The following AGL variants were observed in gnomAD, a reference collection of about 807,000 sequenced individuals.
AGL encodes the protein glycogen debranching enzyme.
AGL carries 128 observed loss-of-function variants against 199.3 expected under a neutral mutation model. The observed-to-expected ratio is 0.64, with a 90% CI of 0.56 to 0.74. The LOEUF (loss-of-function observed/expected upper bound fraction) is 0.74, where lower values mean the gene tolerates loss of function less well. Ranked by LOEUF, AGL falls within the 30% of genes least tolerant of loss-of-function variation. The pLI, the probability that AGL is intolerant of heterozygous loss-of-function variation, is 0.00. For missense variants in AGL, 1,809 were observed against 1,820.8 expected, an observed-to-expected ratio of 0.99 and a Z score of 0.12; for synonymous variants, 584 against 594.7, an observed-to-expected ratio of 0.98 and a Z score of 0.26.
chr1:99,870,623 T>A (rs1650911688), intron 6 of AGL, 42 bp downstream of exon 6: 2 of 1,603,562 alleles, frequency 1.2e-6, no homozygotes, highest in South Asian at 2.2e-5. Context: ...ACAGAAAAAA[T>A]TTCTAAAGCA....
chr1:99,909,776 T>C (rs1273313549), intron 27 of AGL, among the ~76,000 whole-genome samples: 2 of 152,178 alleles, frequency 1.3e-5, no homozygotes, highest in South Asian at 2.1e-4. Flanking sequence ...CACTGTATTA[T>C]GCTCAGGGAT....
At chr1:99,869,228 A>G (rs1199190622) in intron 5 of AGL, among the ~76,000 whole-genome samples, 2 of 152,154 alleles carry the variant, frequency 1.3e-5, no homozygotes, top group African/African-American at 4.8e-5. Context: ...GTGTTGATGA[A>G]TCTCGGAGGA....
intron 25 of AGL, among the ~76,000 whole-genome samples, chr1:99,898,887 T>A (rs1242932592): frequency 6.6e-6 from 1 of 152,160 alleles, no homozygotes; most frequent in Non-Finnish European, 1.5e-5. Context: ...CCTCCCTCTA[T>A]AGAGGTAATC....
chr1:99,915,282 A>G (rs1019418537), intron 30 of AGL, 107 bp from the exon 31 acceptor site: 8 of 913,170 alleles, frequency 8.8e-6, no homozygotes, highest in African/African-American at 1.7e-5. Context: ...TCTGACCCTC[A>G]TGGTATTTTA....
intron 28 of AGL, among the ~76,000 whole-genome samples, chr1:99,911,946 A>G (rs893856974): frequency 1.3e-5 from 2 of 152,158 alleles, no homozygotes; most frequent in Admixed American, 1.3e-4. Context: ...ATAAGTTGCC[A>G]TCTTTACATG....
At chr1:99,895,357 T>A (rs752844288) in intron 24 of AGL, among the ~76,000 whole-genome samples, 1 of 152,216 alleles carries the variant, frequency 6.6e-6, no homozygotes, top group Non-Finnish European at 1.5e-5. Flanking sequence ...CTATTTTATC[T>A]TGTATATAAA....
intron 22 of AGL, 115 bp from the exon 23 acceptor site, chr1:99,891,491 A>G: frequency 6.6e-7 from 1 of 1,514,836 alleles, no homozygotes; most frequent in Non-Finnish European, 9.1e-7. Context: ...AGTTATAATA[A>G]ATGGAAATCG....
chr1:99,889,293 C>G (rs1349983359), intron 21 of AGL, among the ~76,000 whole-genome samples: 1 of 152,208 alleles, frequency 6.6e-6, no homozygotes, highest in Non-Finnish European at 1.5e-5. Context: ...AGCTTTTATA[C>G]TTTCTGCAAA....
In AGL at chr1:99,891,645, C is replaced by T. The variant is rs1185515418; in HGVS notation, c.2989C>T (p.Gln997Ter). 1 of 1,613,508 alleles carries T rather than the reference C, an allele frequency of 6.2e-7. No individual in the cohort carries two copies. The highest frequency in any genetic ancestry group is 8.5e-7 in the Non-Finnish European group (1 of 1,179,672). The change falls in exon 23 of 34, where the codon CAG becomes TAG. Residue 997 changes from glutamine (Q) to a stop codon, truncating the protein, a stop_gained. Coordinates refer to ENST00000361915, the MANE Select transcript of AGL (RefSeq NM_000642.3). LOFTEE classifies it high-confidence loss of function. ...GCAGGCTATGTTCTTCTACCTGAAG[C>T]AGATCCCACGTTACCTTATCCCATG... ...WLQAMFFYLK[Q>*]IPRYLIPCYF...
Position 99,916,604 on chromosome 1 carries a change from C to CT in AGL, c.4355dup (p.Trp1453ValfsTer30). On this transcript the variant is annotated frameshift_variant, in exon 33 of 34. Transcript: ENST00000361915. LOFTEE classifies it high-confidence loss of function. Reference sequence around the variant, plus strand: ...TTTAAATAATCTTTTTTAGGAGTGGCTGTGGCCTATTGGGTATTTTCTTCG... The same window carrying CT: ...TTTAAATAATCTTTTTTAGGAGTGGCTTGTGGCCTATTGGGTATTTTCTTCG... 1 of 1,612,998 alleles carries CT rather than the reference C, an allele frequency of 6.2e-7. No homozygotes were observed. Among genetic ancestry groups the CT allele is most frequent in the Non-Finnish European group, 8.5e-7 (1 of 1,179,488 alleles).
intron 20 of AGL, among the ~76,000 whole-genome samples, chr1:99,886,468 G>C (rs1183497594): frequency 6.7e-6 from 1 of 148,152 alleles, no homozygotes; most frequent in East Asian, 2.0e-4. Context: ...CTGGGCAACA[G>C]AGCAAGACCC....
chr1:99,899,932 TTTC>T (rs1238643724), intron 25 of AGL, among the ~76,000 whole-genome samples: 1 of 151,638 alleles, frequency 6.6e-6, no homozygotes, highest in African/African-American at 2.4e-5. Flanking sequence ...CTTTCTTTTC[TTTC>T]TTCTTTTTTT....
chr1:99,880,186 C>T (rs568491152), intron 13 of AGL, 140 bp downstream of exon 13: 1 of 1,302,684 alleles, frequency 7.7e-7, no homozygotes, highest in Non-Finnish European at 1.1e-6. Flanking sequence ...ATGACATATT[C>T]TAATATAACT....
intron 4 of AGL, among the ~76,000 whole-genome samples, chr1:99,862,748 C>G (rs2101088356): frequency 6.6e-6 from 1 of 152,214 alleles, no homozygotes; most frequent in South Asian, 2.1e-4. Context: ...TGTGAAAACT[C>G]ACTCACTATC....
Position 99,891,337 on chromosome 1 carries a change from G to C in AGL, c.2930G>C (p.Arg977Pro), listed in dbSNP as rs147977213. The change falls in exon 22 of 34, where the codon CGA (arginine) becomes CCA (proline). Residue 977 changes from arginine to proline, a missense_variant. Arg to Pro is a moderately radical substitution (Grantham distance 103). Coordinates refer to ENST00000361915, the MANE Select transcript of AGL (RefSeq NM_000642.3). Reference sequence around the variant, plus strand: ...TATGTCAGTAACCGGCTTATTTCACGATCAGGAACTATTGCTGAAGTAAGT... The same window carrying C: ...TATGTCAGTAACCGGCTTATTTCACCATCAGGAACTATTGCTGAAGTAAGT... ...IDYVSNRLIS[R>P]SGTIAEVGKW... 1.2e-6 allele frequency: 2 copies of C among 1,613,442 alleles called. No homozygotes were observed. The highest frequency in any genetic ancestry group is 1.7e-6 in the Non-Finnish European group (2 of 1,179,688).
intron 4 of AGL, 124 bp downstream of exon 4, chr1:99,862,547 C>G (rs1650141124): frequency 9.6e-7 from 1 of 1,043,714 alleles, no homozygotes; most frequent in East Asian, 2.6e-5. Context: ...CTACCTGAGA[C>G]TGGGTAATTT....
At chr1:99,904,537 C>T (rs747198575) in intron 27 of AGL, among the ~76,000 whole-genome samples, 10 of 151,610 alleles carry the variant, frequency 6.6e-5, no homozygotes, top group Admixed American at 3.9e-4. Context: ...CTTCATGTAG[C>T]CACTGCCATA....
intron 25 of AGL, among the ~76,000 whole-genome samples, chr1:99,896,857 C>T (rs1436921926): frequency 6.6e-6 from 1 of 152,168 alleles, no homozygotes; most frequent in African/African-American, 2.4e-5. Context: ...GTCGTCCGGG[C>T]TGGAGTGCAG....
intron 2 of AGL, among the ~76,000 whole-genome samples, chr1:99,855,892 A>C (rs1649377043): frequency 6.6e-6 from 1 of 152,180 alleles, no homozygotes; most frequent in Non-Finnish European, 1.5e-5. Context: ...TATAATTTTT[A>C]CTATTTTTTA....
Sources: allele counts gnomAD v4.1 joint callset (sites outside exome capture counted in the v4.1 genomes callset), GRCh38; gene constraint gnomAD v4.1.1; transcripts MANE v1.5; gene names NCBI Gene and HGNC (gene_info 2026-07-23, HGNC 2026-07-21).